Variants in TOPBP1 observed in about 807,000 individuals in gnomAD.
TOPBP1 encodes the protein DNA topoisomerase 2-binding protein 1.
A neutral mutation model predicts 167.7 loss-of-function variants in TOPBP1; 28 were observed. That is an observed-to-expected ratio of 0.17 (90% CI 0.12 to 0.23). The LOEUF (loss-of-function observed/expected upper bound fraction) is 0.23, where lower values mean the gene tolerates loss of function less well. Ranked by LOEUF, TOPBP1 falls within the 10% of genes least tolerant of loss-of-function variation. The pLI, the probability that TOPBP1 is intolerant of heterozygous loss-of-function variation, is 1.00. For missense variants in TOPBP1, 1,554 were observed against 1,809.6 expected (o/e 0.86, Z 2.56); for synonymous variants, 598 against 611.4 (o/e 0.98, Z 0.32).
intron 20 of TOPBP1, 122 bp downstream of exon 20, chr3:133,620,033 T>G: frequency 9.7e-7 from 1 of 1,032,366 alleles, no homozygotes; most frequent in African/African-American, 1.6e-5. Context: ...TTACTGCATA[T>G]TGGGGAAAAA....
At chr3:133,619,308 A>G (rs1290204893) in intron 20 of TOPBP1, among the ~76,000 whole-genome samples, 4 of 152,160 alleles carry the variant, frequency 2.6e-5, no homozygotes, top group Admixed American at 6.5e-5. Context: ...TCTGAAGCAT[A>G]TTAAAAAGCT....
rs2107809651 is a variant in TOPBP1, at chr3:133,640,021, G to A, written c.2171C>T (p.Thr724Ile). Residue 724 changes from threonine (T) to isoleucine (I), a missense_variant, in exon 13 of 28, where the codon ACT becomes ATT. By Grantham distance (89) the Thr-to-Ile change is moderately conservative. Transcript: ENST00000260810. ...PAVTIAWLLETARTGKRADES... is the reference protein window; with the variant it reads ...PAVTIAWLLEIARTGKRADES... Reference sequence around the variant, plus strand: ...GTCTGCTCTCTTTCCCGTTCTAGCAGTCTCCAACAGCCAAGCTATAGTAAC... The same window carrying A: ...GTCTGCTCTCTTTCCCGTTCTAGCAATCTCCAACAGCCAAGCTATAGTAAC... 6.2e-7 allele frequency: 1 copy of A among 1,613,882 alleles called. No individual in the cohort carries two copies. Among genetic ancestry groups the A allele is most frequent in the South Asian group, 1.1e-5 (1 of 91,084 alleles).
chr3:133,649,780 C>T lies in TOPBP1; in HGVS notation c.1253G>A (p.Arg418Lys), dbSNP rs1936221876. Residue 418 changes from arginine to lysine, a missense_variant and splice_region_variant, in exon 9 of 28, where the codon AGG becomes AAG. Arg to Lys is a conservative substitution (Grantham distance 26). Coordinates refer to ENST00000260810, the MANE Select transcript of TOPBP1 (RefSeq NM_007027.4). The part of the protein sequence containing the change: ...LKQFWNKSAH[R>K]PHVVGAKWLL... ...GCTTTGAATTAAAAACGAAAAAAAC[C>T]TGTGGGCTGATTTATTCCAAAACTG... is the stretch of plus-strand genomic sequence containing the variant. The T allele has an allele frequency of 6.3e-7, 1 of 1,588,168 alleles. No homozygotes were observed. The highest frequency in any genetic ancestry group is 1.4e-5 in the African/African-American group (1 of 73,092).
At chr3:133,647,360 A>G (rs1936111662) in intron 10 of TOPBP1, among the ~76,000 whole-genome samples, 1 of 152,192 alleles carries the variant, frequency 6.6e-6, no homozygotes, top group Admixed American at 6.5e-5. Flanking sequence ...TAGCAGACCC[A>G]AACATGAACC....
rs757715752 is a variant in TOPBP1 at position 133,657,950 on chromosome 3, A to G, written c.220-9T>C. 28 of 1,540,772 alleles carry G rather than the reference A, an allele frequency of 1.8e-5. No homozygotes were observed. Among genetic ancestry groups the G allele is most frequent in the Non-Finnish European group, 1.1e-5 (13 of 1,151,508 alleles). On this transcript the variant is annotated splice_polypyrimidine_tract_variant and intron_variant, in intron 3 of 27. Coordinates refer to ENST00000260810, the MANE Select transcript of TOPBP1 (RefSeq NM_007027.4). ...ACAATTCTGCAGCCAAGCTACAAAA[A>G]AGAGAAAAGTTTAAATGAGTTAAGA... is the stretch of plus-strand genomic sequence containing the variant.
intron 14 of TOPBP1, among the ~76,000 whole-genome samples, chr3:133,632,496 C>T (rs767230834): frequency 6.6e-6 from 1 of 152,192 alleles, no homozygotes; most frequent in Non-Finnish European, 1.5e-5. Flanking sequence ...CTTTATAGAT[C>T]TTGACAATGT....
chr3:133,602,700 C>A (rs2107763876), intron 27 of TOPBP1, among the ~76,000 whole-genome samples: 1 of 152,274 alleles, frequency 6.6e-6, no homozygotes, highest in East Asian at 1.9e-4. Flanking sequence ...CTACTTAACT[C>A]TGCCATTATA....
chr3:133,623,976 T>C, intron 17 of TOPBP1, 76 bp downstream of exon 17: 2 of 1,492,874 alleles, frequency 1.3e-6, no homozygotes, highest in South Asian at 1.3e-5. Context: ...GTGAAAACTC[T>C]TGAGTTAGTG....
chr3:133,655,430 A>C lies in TOPBP1; in HGVS notation c.602T>G (p.Leu201Arg). The C allele has an allele frequency of 6.3e-7, 1 of 1,599,642 alleles. No homozygotes were observed. The highest frequency in any genetic ancestry group is 1.1e-5 in the South Asian group (1 of 88,390). Reference sequence around the variant, plus strand: ...GCCAGTCACACAGATTATGCAACCAAGAAAAATAGGACACTTGAAATCTTC... The same window carrying C: ...GCCAGTCACACAGATTATGCAACCACGAAAAATAGGACACTTGAAATCTTC... ...NMEDFKCPIFLGCIICVTGLC... is the reference protein window; with the variant it reads ...NMEDFKCPIFRGCIICVTGLC... The change falls in exon 6 of 28, where the codon CTT becomes CGT. Residue 201 changes from leucine (L) to arginine (R), a missense_variant. Leu to Arg is a moderately radical substitution (Grantham distance 102, BLOSUM62 -2). Around this residue, in one of 3 missense-constraint regions of TOPBP1, gnomAD observed 1,197 missense variants for 1,351.5 expected, o/e 0.89. Transcript: ENST00000260810.
Position 133,643,245 on chromosome 3 carries a change from G to C in TOPBP1, c.1976C>G (p.Ala659Gly). 1.2e-6 allele frequency: 2 copies of C among 1,606,890 alleles called. No individual in the cohort carries two copies. Among genetic ancestry groups the C allele is most frequent in the Non-Finnish European group, 1.7e-6 (2 of 1,177,692 alleles). The change falls in exon 12 of 28, where the codon GCA (alanine) becomes GGA (glycine). Residue 659 changes from alanine (A) to glycine (G), a missense_variant. Physicochemically the swap from Ala to Gly is moderately conservative, Grantham distance 60. Around this residue, in one of 3 missense-constraint regions of TOPBP1, gnomAD observed 1,197 missense variants for 1,351.5 expected, o/e 0.89. Transcript: ENST00000260810. ...CVISFSQCAG[A>G]EKESLTFLAN... ...TAGGAATGTTAAAGACTCTTTTTCT[G>C]CTCCAGCACACTGGCTAAATGAAAT...
intron 25 of TOPBP1, among the ~76,000 whole-genome samples, chr3:133,610,153 T>C (rs759251332): frequency 1.4e-4 from 22 of 152,110 alleles, no homozygotes; most frequent in Non-Finnish European, 2.6e-4. Flanking sequence ...TGTGATTTCA[T>C]ATTGTGGGAG....
chr3:133,613,192 A>G (rs1210917008), intron 23 of TOPBP1, among the ~76,000 whole-genome samples: 7 of 152,160 alleles, frequency 4.6e-5, no homozygotes, highest in Admixed American at 4.6e-4. Context: ...AATTCTAGAT[A>G]CCATGTTACT....
At chr3:133,636,717 C>T (rs914373331) in intron 14 of TOPBP1, among the ~76,000 whole-genome samples, 1 of 152,102 alleles carries the variant, frequency 6.6e-6, no homozygotes, top group Non-Finnish European at 1.5e-5. Context: ...TGAGCTATGA[C>T]ACTTTAGAGA....
At chr3:133,630,540 C>G (rs1280926460) in intron 14 of TOPBP1, among the ~76,000 whole-genome samples, 2 of 152,088 alleles carry the variant, frequency 1.3e-5, no homozygotes, top group Non-Finnish European at 2.9e-5. Context: ...TCAAGCAATC[C>G]TCTCGCCTTG....
At chr3:133,626,563 A>G (rs903911047) in intron 16 of TOPBP1, among the ~76,000 whole-genome samples, 1 of 152,216 alleles carries the variant, frequency 6.6e-6, no homozygotes, top group African/African-American at 2.4e-5. Context: ...ATACACTAAT[A>G]TTACAAAAAT....
intron 19 of TOPBP1, among the ~76,000 whole-genome samples, chr3:133,622,627 A>G (rs367910826): frequency 6.6e-6 from 1 of 152,180 alleles, no homozygotes; most frequent in African/African-American, 2.4e-5. Flanking sequence ...GAAACTCTTC[A>G]TATGTCTTTT....
At chr3:133,623,547 T>C (rs1264348703) in intron 17 of TOPBP1, 90 bp from the exon 18 acceptor site, 3 of 1,363,514 alleles carry the variant, frequency 2.2e-6, no homozygotes, top group Admixed American at 6.0e-5. Context: ...CAATACATTA[T>C]ACTGTAATAT....
Position 133,618,288 on chromosome 3 carries a change from G to C in TOPBP1, c.3517C>G (p.Leu1173Val), listed in dbSNP as rs769147379. Residue 1173 changes from leucine (L) to valine (V), a missense_variant, in exon 21 of 28, where the codon CTT (leucine) becomes GTT (valine). Transcript: ENST00000260810. ...TCCAAGTTTTGAATGTCAACCTGAA[G>C]CTCAGAGTATTGTGTGGGACAACTA... ...WPSCPTQYSE[L>V]QVDIQNLEDS... 64 of 1,613,862 alleles carry C rather than the reference G, an allele frequency of 4.0e-5. 1 individual carries two copies. The highest frequency in any genetic ancestry group is 5.3e-5 in the Non-Finnish European group (63 of 1,179,870).
Position 133,620,159 on chromosome 3 carries a change from G to A in TOPBP1, c.3367C>T (p.Leu1123=), listed in dbSNP as rs1160930994. ...CCATCAGTGACAGGTACACACCTCA[G>A]TGCCTCTAGGACTCTACTTCGTCCA... ...RSGRSRVLEA[L]RQSRQTVPDV... Residue 1123 remains leucine, a synonymous_variant, in exon 20 of 28, where the codon CTG becomes TTG. Coordinates refer to ENST00000260810, the MANE Select transcript of TOPBP1 (RefSeq NM_007027.4). The A allele has an allele frequency of 6.2e-7, 1 of 1,611,660 alleles. No homozygotes were observed. Among genetic ancestry groups the A allele is most frequent in the African/African-American group, 1.3e-5 (1 of 74,898 alleles).
Sources: allele counts gnomAD v4.1 joint callset (sites outside exome capture counted in the v4.1 genomes callset), GRCh38; gene constraint gnomAD v4.1.1; regional missense constraint gnomAD v4.1.1; transcripts MANE v1.5; gene names NCBI Gene and HGNC (gene_info 2026-07-23, HGNC 2026-07-21).